The following PDE4D variants were observed in gnomAD, a reference collection of about 807,000 sequenced individuals.
PDE4D encodes 3',5'-cyclic-AMP phosphodiesterase 4D.
In PDE4D, 24 loss-of-function variants were observed where a neutral mutation model predicts 87.4. The observed-to-expected ratio is 0.27, with a 90% CI of 0.20 to 0.39. PDE4D has a LOEUF of 0.39. Among genes scored for constraint, PDE4D ranks in the 10% least tolerant of loss-of-function variants. PDE4D has a pLI of 1.00. For synonymous variants in PDE4D, 384 were observed against 383.2 expected (o/e 1.00, Z -0.02); for missense variants, 714 against 1,041.0 (o/e 0.69, Z 4.32).
chr5:59,338,814 C>T (rs976938603), intron 1 of PDE4D, among the ~76,000 whole-genome samples: 1 of 152,060 alleles, frequency 6.6e-6, no homozygotes, highest in Non-Finnish European at 1.5e-5. Context: ...CAAAAATTTC[C>T]CACTGCTATA....
intron 2 of PDE4D, among the ~76,000 whole-genome samples, chr5:60,038,588 T>C (rs2152865691): frequency 6.6e-6 from 1 of 152,268 alleles, no homozygotes; most frequent in Middle Eastern, 3.4e-3. Flanking sequence ...TTTTGGCTTA[T>C]GCAGGCTCTT....
At chr5:59,538,313 G>T (rs542393860) in intron 1 of PDE4D, among the ~76,000 whole-genome samples, 3 of 152,300 alleles carry the variant, frequency 2.0e-5, no homozygotes, top group African/African-American at 7.2e-5. Context: ...CTAAGGGATT[G>T]CATTTTCCAC....
chr5:60,497,904 C>T (rs988141040), intron 1 of PDE4D, among the ~76,000 whole-genome samples: 3 of 152,186 alleles, frequency 2.0e-5, no homozygotes, highest in East Asian at 1.9e-4. Flanking sequence ...ATTGCCAGGG[C>T]GATTAGTCAA....
intron 5 of PDE4D, among the ~76,000 whole-genome samples, chr5:59,078,808 T>C (rs1766159828): frequency 6.6e-6 from 1 of 152,044 alleles, no homozygotes; most frequent in South Asian, 2.1e-4. Flanking sequence ...AGCCACCACA[T>C]CCAGCAAGAG....
At chr5:59,306,635 A>G (rs183885684) in intron 1 of PDE4D, among the ~76,000 whole-genome samples, 3 of 152,196 alleles carry the variant, frequency 2.0e-5, no homozygotes, top group African/African-American at 4.8e-5. Context: ...TAAAATACCT[A>G]TGAATCCAAC....
chr5:59,892,669 T>TC (rs1436157553), intron 1 of PDE4D, among the ~76,000 whole-genome samples: 1 of 151,156 alleles, frequency 6.6e-6, no homozygotes, highest in African/African-American at 2.4e-5. Flanking sequence ...GCTTTCTCAC[T>TC]CCCCCCTCCT....
intron 5 of PDE4D, among the ~76,000 whole-genome samples, chr5:59,125,743 C>T (rs184594471): frequency 1.6e-4 from 24 of 151,912 alleles, no homozygotes; most frequent in Admixed American, 3.3e-4. Flanking sequence ...GATGGGGGAG[C>T]GAATGACAGA....
intron 1 of PDE4D, among the ~76,000 whole-genome samples, chr5:60,473,767 T>C (rs1449980714): frequency 6.6e-6 from 1 of 151,868 alleles, no homozygotes; most frequent in Non-Finnish European, 1.5e-5. Flanking sequence ...CCATATGCTT[T>C]CACCTCTGTC....
At chr5:59,451,516 T>G (rs1208998804) in intron 1 of PDE4D, among the ~76,000 whole-genome samples, 1 of 152,190 alleles carries the variant, frequency 6.6e-6, no homozygotes, top group Non-Finnish European at 1.5e-5. Context: ...ACCATGGAAC[T>G]CTTCCTTCTC....
intron 2 of PDE4D, among the ~76,000 whole-genome samples, chr5:59,202,975 G>A (rs183358473): frequency 4.3e-4 from 65 of 152,160 alleles, no homozygotes; most frequent in African/African-American, 1.4e-3. Context: ...AATATTTTAA[G>A]AATTAAGAAA....
At chr5:60,053,502 A>C (rs901841508) in intron 2 of PDE4D, among the ~76,000 whole-genome samples, 3 of 152,208 alleles carry the variant, frequency 2.0e-5, no homozygotes, top group African/African-American at 7.2e-5. Context: ...AGGAAACTGA[A>C]ACTGGACCCC....
chr5:60,282,085 T>C (rs1751966123), intron 1 of PDE4D, among the ~76,000 whole-genome samples: 3 of 151,682 alleles, frequency 2.0e-5, no homozygotes, highest in African/African-American at 7.3e-5. Flanking sequence ...TTAAACAACA[T>C]TACTCAACAT....
chr5:59,718,314 T>A (rs1561533469), intron 1 of PDE4D, among the ~76,000 whole-genome samples: 1 of 152,226 alleles, frequency 6.6e-6, no homozygotes, highest in Non-Finnish European at 1.5e-5. Flanking sequence ...CTTAATTATG[T>A]CAGCTTGAAC....
At chr5:59,809,800 T>A (rs2152677336) in intron 1 of PDE4D, among the ~76,000 whole-genome samples, 1 of 152,326 alleles carries the variant, frequency 6.6e-6, no homozygotes, top group African/African-American at 2.4e-5. Flanking sequence ...TCTATTCTAC[T>A]CCTGACTTAG....
At chr5:59,764,355 C>G (rs976644483) in intron 1 of PDE4D, among the ~76,000 whole-genome samples, 55 of 152,138 alleles carry the variant, frequency 3.6e-4, no homozygotes, top group Admixed American at 3.2e-3. Context: ...TTAATTAAAC[C>G]ACAACCCCCA....
intron 1 of PDE4D, among the ~76,000 whole-genome samples, chr5:59,536,529 A>AT (rs1815299066): frequency 7.0e-6 from 1 of 142,850 alleles, no homozygotes; most frequent in African/African-American, 2.5e-5. Flanking sequence ...AAAAAAAAAA[A>AT]AAAAAAATTA....
At chr5:59,531,782 C>A (rs1197111515) in intron 1 of PDE4D, among the ~76,000 whole-genome samples, 5 of 152,128 alleles carry the variant, frequency 3.3e-5, no homozygotes, top group Non-Finnish European at 7.3e-5. Context: ...TAGATTGGGC[C>A]CACTGGGCTA....
At chr5:60,148,716 A>T (rs1255615858) in intron 2 of PDE4D, among the ~76,000 whole-genome samples, 1 of 152,232 alleles carries the variant, frequency 6.6e-6, no homozygotes, top group Admixed American at 6.5e-5. Context: ...CATAGCTGCC[A>T]TTGGGAACTT....
Position 59,931,105 on chromosome 5 carries a change from G to A in PDE4D, c.272+57383C>T, listed in dbSNP as rs2916865. Reference sequence around the variant, plus strand: ...CTATTTATGAATTAAACAATGTTGGGACAATATGAATTTTAATCAAAGCAA... The same window carrying A: ...CTATTTATGAATTAAACAATGTTGGAACAATATGAATTTTAATCAAAGCAA... On this transcript the variant is annotated intron_variant, in intron 3 of 16. Coordinates refer to the PDE4D transcript ENST00000502484. Among the ~76,000 whole-genome samples, 690 of 152,182 alleles carry A rather than the reference G, an allele frequency of 4.5e-3. 18 individuals are homozygous for A. In the East Asian group the frequency reaches 0.086, roughly 19 times the overall value.
Sources: gnomAD v4.1 joint callset for allele counts (sites outside exome capture counted in the v4.1 genomes callset) on GRCh38, gnomAD v4.1.1 for gene constraint, MANE v1.5 for transcripts, NCBI Gene and HGNC (gene_info 2026-07-23, HGNC 2026-07-21) for gene names.